IDH3A: variants seen among roughly 807,000 people sequenced by gnomAD.
The protein encoded by IDH3A is isocitrate dehydrogenase [NAD] subunit alpha, mitochondrial.
Under a neutral mutation model 43.3 loss-of-function variants are expected in IDH3A, and 23 were observed. The ratio of observed to expected loss-of-function variants is 0.53; its 90% CI spans 0.38 to 0.75. The LOEUF (loss-of-function observed/expected upper bound fraction) is 0.75. IDH3A is among the 30% of genes least tolerant of loss of function. The probability of loss-of-function intolerance (pLI) is 0.00; values close to 1 mark genes in which losing one functional copy is unlikely to be tolerated. For missense variants in IDH3A, 329 were observed against 474.4 expected, an observed-to-expected ratio of 0.69 and a Z score of 2.85; for synonymous variants, 154 against 163.5, an observed-to-expected ratio of 0.94 and a Z score of 0.44.
intron 9 of IDH3A, 66 bp downstream of exon 9, chr15:78,165,142 C>T: frequency 1.0e-6 from 1 of 952,410 alleles, no homozygotes; most frequent in Non-Finnish European, 1.7e-6. Flanking sequence ...GAGGAGTTAT[C>T]TGTATAAGTA....
chr15:78,160,601 C>G (rs545708321), intron 4 of IDH3A, among the ~76,000 whole-genome samples: 23 of 151,942 alleles, frequency 1.5e-4, no homozygotes, highest in Admixed American at 1.4e-3. Context: ...AAGCAGTCCT[C>G]CCACCTCAGC....
intron 1 of IDH3A, among the ~76,000 whole-genome samples, chr15:78,154,023 A>T (rs1259569253): frequency 1.3e-5 from 2 of 152,120 alleles, no homozygotes; most frequent in Non-Finnish European, 2.9e-5. Context: ...AAAAAAAAAA[A>T]TTTAATGCAT....
chr15:78,159,237 G>A (rs990382093), intron 3 of IDH3A, among the ~76,000 whole-genome samples: 3 of 151,984 alleles, frequency 2.0e-5, no homozygotes, highest in East Asian at 1.9e-4. Flanking sequence ...TTTCCTCACC[G>A]AAAAAGAAAC....
intron 8 of IDH3A, among the ~76,000 whole-genome samples, chr15:78,164,667 T>G (rs2074720151): frequency 6.6e-6 from 1 of 152,208 alleles, no homozygotes; most frequent in Admixed American, 6.5e-5. Context: ...CATGGTTTTC[T>G]GTTTTATTCA....
intron 10 of IDH3A, among the ~76,000 whole-genome samples, chr15:78,166,851 C>T (rs1046156206): frequency 1.2e-4 from 18 of 151,938 alleles, no homozygotes; most frequent in East Asian, 3.9e-4. Flanking sequence ...AGGTTGGTCT[C>T]GAACTCCTGA....
At chr15:78,163,228 G>A (rs747484945) in intron 6 of IDH3A, among the ~76,000 whole-genome samples, 16 of 152,026 alleles carry the variant, frequency 1.1e-4, no homozygotes, top group Non-Finnish European at 2.2e-4. Context: ...AATATTAGTG[G>A]GTATTTCTTC....
At chr15:78,158,463 A>ATATATATATATATATATATATATTT (rs1212083496) in intron 3 of IDH3A, among the ~76,000 whole-genome samples, 1 of 67,380 alleles carries the variant, frequency 1.5e-5, no homozygotes, top group African/African-American at 5.4e-5. Context: ...ATATATATAT[A>ATATATATATATATATATATATATTT]TTTTTTTTTT....
At chr15:78,160,483 ATATT>A (rs36097798) in intron 4 of IDH3A, among the ~76,000 whole-genome samples, 8,287 of 151,964 alleles carry the variant, frequency 0.055, 785 homozygotes, top group African/African-American at 0.19. Flanking sequence ...TTACATTTGT[ATATT>A]TATTTATTTA....
rs1567074686 is a variant in IDH3A at position 78,169,213 on chromosome 15, T to C, written c.*208T>C. On this transcript the variant is annotated 3_prime_UTR_variant, in exon 11 of 11. Coordinates refer to ENST00000299518, the MANE Select transcript of IDH3A (RefSeq NM_005530.3). ...AAGAACTTTTTCCAAGTGCTTGTTT[T>C]ATTTATTAAGTGTCTACCTGGTAAA... The C allele has an allele frequency of 7.9e-6, 3 of 382,156 alleles. No individual in the cohort carries two copies. Among genetic ancestry groups the C allele is most frequent in the Non-Finnish European group, 4.7e-6 (1 of 213,212 alleles). 23.7% of individuals were successfully genotyped at this position (382,156 alleles called of 1,614,324 possible).
At chr15:78,156,052 C>G (rs1231476104) in intron 2 of IDH3A, among the ~76,000 whole-genome samples, 2 of 152,122 alleles carry the variant, frequency 1.3e-5, no homozygotes. Flanking sequence ...TTTCTGGTGA[C>G]TGGATGACAT....
intron 6 of IDH3A, among the ~76,000 whole-genome samples, chr15:78,163,273 T>G (rs1251019229): frequency 1.3e-5 from 2 of 152,176 alleles, no homozygotes. Context: ...AATATAGTCT[T>G]CTCTGTTATG....
chr15:78,156,337 G>C (rs951069232), intron 2 of IDH3A, among the ~76,000 whole-genome samples: 1 of 152,060 alleles, frequency 6.6e-6, no homozygotes, highest in African/African-American at 2.4e-5. Flanking sequence ...TCTTCAACCC[G>C]AGAAAACTGG....
At chr15:78,158,462 T>A (rs2074646576) in intron 3 of IDH3A, among the ~76,000 whole-genome samples, 1 of 79,676 alleles carries the variant, frequency 1.3e-5, no homozygotes, top group African/African-American at 4.3e-5. Flanking sequence ...TATATATATA[T>A]ATTTTTTTTT....
At chr15:78,150,603 C>T (rs1268163146) in intron 1 of IDH3A, among the ~76,000 whole-genome samples, 1 of 152,146 alleles carries the variant, frequency 6.6e-6, no homozygotes, top group Non-Finnish European at 1.5e-5. Context: ...CATCTCTAAG[C>T]CTTAATATGC....
At chr15:78,162,503 T>C (rs2074692839) in intron 6 of IDH3A, 136 bp downstream of exon 6, 1 of 873,076 alleles carries the variant, frequency 1.1e-6, no homozygotes, top group Non-Finnish European at 1.7e-6. Flanking sequence ...AATCCAAAGA[T>C]ACGGCATCTC....
chr15:78,159,131 C>T (rs777856167), intron 3 of IDH3A, among the ~76,000 whole-genome samples: 8 of 152,222 alleles, frequency 5.3e-5, no homozygotes, highest in Middle Eastern at 3.2e-3. Context: ...CCACACTGGG[C>T]CTAATTCATC....
At position 78,155,737 on chromosome 15, in the gene IDH3A, C is replaced by G. The variant is rs574833962; in HGVS notation, c.90+462C>G. Reference sequence around the variant, plus strand: ...TATAAGCCTTGTAGGCTTATACTTGCCTTATATAGGCTTTGTAGACTATCA... The same window carrying G: ...TATAAGCCTTGTAGGCTTATACTTGGCTTATATAGGCTTTGTAGACTATCA... On this transcript the variant is annotated intron_variant, in intron 2 of 10. Coordinates refer to ENST00000299518, the MANE Select transcript of IDH3A (RefSeq NM_005530.3). 99 of 156,702 alleles carry G rather than the reference C, an allele frequency of 6.3e-4. 2 individuals carry two copies. The South Asian group carries it at 7.5e-3, about 12-fold the overall frequency. The allele number at this position is 156,702 out of a possible 1,614,324, so 9.7% of individuals were successfully genotyped here. A position where few individuals can be genotyped will look rare whatever the true frequency, so the allele number is the denominator to read the frequency against.
Position 78,171,461 on chromosome 15 carries a change from G to T in IDH3A, c.*2456G>T. 1.9e-6 allele frequency: 3 copies of T among 1,613,812 alleles called. No individual in the cohort carries two copies. In the South Asian group the frequency reaches 3.3e-5, roughly 18 times the overall value. On this transcript the variant is annotated 3_prime_UTR_variant, in exon 11 of 11. Transcript: ENST00000299518. ...GGCCCTGATTACATTTTTTGCTCTT[G>T]GTAAAAGGAGTCAATGATACCTTTG...
chr15:78,171,110 C>T lies in IDH3A; in HGVS notation c.*2105C>T. ...CGCTCCACAGCCTACTGCTGGCTGTCCTGTATGTGAGCTAGCAGCTTTTTA... is the reference window on the plus strand; with the variant it reads ...CGCTCCACAGCCTACTGCTGGCTGTTCTGTATGTGAGCTAGCAGCTTTTTA... On this transcript the variant is annotated 3_prime_UTR_variant, in exon 11 of 11. Coordinates refer to ENST00000299518, the MANE Select transcript of IDH3A (RefSeq NM_005530.3). 5.0e-6 allele frequency: 1 copy of T among 201,398 alleles called. No individual in the cohort carries two copies. Among genetic ancestry groups the T allele is most frequent in the Non-Finnish European group, 1.0e-5 (1 of 98,136 alleles). The allele number at this position is 201,398 out of a possible 1,614,324, so 12.5% of individuals were successfully genotyped here. A position where few individuals can be genotyped will look rare whatever the true frequency, so the allele number is the denominator to read the frequency against.
Sources: gnomAD v4.1 joint callset for allele counts (sites outside exome capture counted in the v4.1 genomes callset) on GRCh38, gnomAD v4.1.1 for gene constraint, MANE v1.5 for transcripts, NCBI Gene and HGNC (gene_info 2026-07-23, HGNC 2026-07-21) for gene names.